The following PLA2G4F variants were observed in gnomAD, a reference collection of about 807,000 sequenced individuals.
The protein encoded by PLA2G4F is phospholipase A2 group IVF.
A neutral mutation model predicts 103.1 loss-of-function variants in PLA2G4F; 105 were observed. That is an observed-to-expected ratio of 1.02 (90% CI 0.87 to 1.20). PLA2G4F has a LOEUF of 1.20. Ranked by LOEUF, PLA2G4F falls within the 50% of genes most tolerant of loss-of-function variation. The pLI is 0.00. For missense variants in PLA2G4F, 1,155 were observed against 1,075.9 expected (o/e 1.07, Z -1.03); for synonymous variants, 468 against 441.1 (o/e 1.06, Z -0.76).
chr15:42,146,950 G>A (rs2048893623), intron 13 of PLA2G4F, 174 bp downstream of exon 13: 1 of 633,438 alleles, frequency 1.6e-6, no homozygotes, highest in Non-Finnish European at 2.7e-6. Flanking sequence ...TTAGGAGCTA[G>A]GGAGGCAAAA....
In PLA2G4F at chr15:42,152,680, A is replaced by T; in HGVS notation, c.601+8T>A. The stretch of plus-strand genomic sequence containing the variant: ...GGCAAAAGACCCAAGGCCGCTGAGC[A>T]GACTCACCGTACTCTTCCCGTGGGG... On this transcript the variant is annotated splice_region_variant and intron_variant, in intron 7 of 19. Coordinates refer to ENST00000397272, the MANE Select transcript of PLA2G4F (RefSeq NM_213600.4). 1.3e-6 allele frequency: 2 copies of T among 1,554,636 alleles called. No homozygotes were observed. The highest frequency in any genetic ancestry group is 3.9e-5 in the Admixed American group (2 of 51,448).
In PLA2G4F at chr15:42,154,405, G is replaced by A. The variant is rs1376451783; in HGVS notation, c.238C>T (p.Pro80Ser). Residue 80 changes from proline (P) to serine (S), a missense_variant, in exon 3 of 20, where the codon CCT (proline) becomes TCT (serine). Around this residue, in one of 3 missense-constraint regions of PLA2G4F, gnomAD observed 370 missense variants for 364.9 expected, o/e 1.01. Coordinates refer to ENST00000397272, the MANE Select transcript of PLA2G4F (RefSeq NM_213600.4). ...QLWLPTASPS[P>S]AQTRIVANCS... is the part of the protein sequence containing the mutation. ...TTGGCCACTATCCTAGTCTGGGCAG[G>A]GCTTGGGGACGCCGTGGGCAGCCAC... is the stretch of plus-strand genomic sequence containing the variant. 1 of 1,610,594 alleles carries A rather than the reference G, an allele frequency of 6.2e-7. No homozygotes were observed. The highest frequency in any genetic ancestry group is 8.5e-7 in the Non-Finnish European group (1 of 1,177,592).
chr15:42,150,033 G>C (rs2048938649), intron 10 of PLA2G4F, 71 bp downstream of exon 10: 1 of 1,598,876 alleles, frequency 6.3e-7, no homozygotes, highest in Admixed American at 1.7e-5. Context: ...CAAGAGAATG[G>C]AGCACGTTGG....
Position 42,150,794 on chromosome 15 carries a change from C to T in PLA2G4F, c.602-17G>A. Reference sequence around the variant, plus strand: ...GCCTAGAGCCTGAGAGCAGAGGGCCCAGGTGGGTGCGCAGGTGAGGGGGTG... The same window carrying T: ...GCCTAGAGCCTGAGAGCAGAGGGCCTAGGTGGGTGCGCAGGTGAGGGGGTG... On this transcript the variant is annotated splice_polypyrimidine_tract_variant and intron_variant, in intron 7 of 19. Transcript: ENST00000397272. 6.2e-7 allele frequency: 1 copy of T among 1,600,554 alleles called. No homozygotes were observed. The highest frequency in any genetic ancestry group is 8.5e-7 in the Non-Finnish European group (1 of 1,175,284).
At position 42,140,418 on chromosome 15, in the gene PLA2G4F, A is replaced by C. The variant is rs1164769335; in HGVS notation, c.*1566T>G. On this transcript the variant is annotated 3_prime_UTR_variant, in exon 20 of 20. Coordinates refer to ENST00000397272, the MANE Select transcript of PLA2G4F (RefSeq NM_213600.4). ...AGTTATTGATGACGGCAGGCACAGC[A>C]GTGTTGATGACAATGGCCACAGCAG... is the stretch of plus-strand genomic sequence containing the variant. The C allele has an allele frequency of 6.6e-6, 1 of 152,264 alleles. No individual in the cohort carries two copies. Among genetic ancestry groups the C allele is most frequent in the Non-Finnish European group, 1.5e-5 (1 of 68,078 alleles). The allele number at this position is 152,264 out of a possible 1,614,324, so 9.4% of individuals were successfully genotyped here. A position where few individuals can be genotyped will look rare whatever the true frequency, so the allele number is the denominator to read the frequency against.
intron 9 of PLA2G4F, 39 bp downstream of exon 9, chr15:42,150,334 G>T: frequency 6.4e-7 from 1 of 1,567,836 alleles, no homozygotes. Flanking sequence ...GTCACAGAGA[G>T]CAGGCAGGGG....
In PLA2G4F at chr15:42,140,120, C is replaced by T. The variant is rs1364335352; in HGVS notation, c.*1864G>A. On this transcript the variant is annotated 3_prime_UTR_variant, in exon 20 of 20. Coordinates refer to ENST00000397272, the MANE Select transcript of PLA2G4F (RefSeq NM_213600.4). Reference sequence around the variant, plus strand: ...CCACATGGGTTAGGAATCATGAAAGCATTGCATGCTTTTTTGTGGTTGGTG... The same window carrying T: ...CCACATGGGTTAGGAATCATGAAAGTATTGCATGCTTTTTTGTGGTTGGTG... The T allele has an allele frequency of 1.3e-5, 2 of 152,194 alleles. No individual in the cohort carries two copies. The highest frequency in any genetic ancestry group is 4.8e-5 in the African/African-American group (2 of 41,440). The allele number at this position is 152,194 out of a possible 1,614,324, so 9.4% of individuals were successfully genotyped here.
rs118083309 is a variant in PLA2G4F, at chr15:42,141,224, T to C, written c.*760A>G. On this transcript the variant is annotated 3_prime_UTR_variant, in exon 20 of 20. Coordinates refer to ENST00000397272, the MANE Select transcript of PLA2G4F (RefSeq NM_213600.4). ...TTAGCTCCTAGGAATGGTGAGACTA[T>C]ATTTGCATGATGTGGCCACTACACA... The C allele has an allele frequency of 7.0e-5, 32 of 456,670 alleles. 2 individuals are homozygous for C. The East Asian group carries it at 2.2e-3, about 31-fold the overall frequency. 28.3% of individuals were successfully genotyped at this position (456,670 alleles called of 1,614,324 possible).
intron 7 of PLA2G4F, chr15:42,151,051 G>T (rs901996656): frequency 3.0e-6 from 3 of 985,272 alleles, no homozygotes; most frequent in African/African-American, 1.7e-5. Context: ...GGAGGGAGAG[G>T]GGCCCTGCCC....
chr15:42,147,510 C>A, intron 12 of PLA2G4F, 116 bp downstream of exon 12: 1 of 1,424,914 alleles, frequency 7.0e-7, no homozygotes, highest in Non-Finnish European at 9.6e-7. Flanking sequence ...CCTGCCCCTC[C>A]TAACACCCTG....
chr15:42,146,085 C>T, intron 14 of PLA2G4F, 42 bp downstream of exon 14: 1 of 1,605,636 alleles, frequency 6.2e-7, no homozygotes, highest in Non-Finnish European at 8.5e-7. Flanking sequence ...CTCCTCCTCC[C>T]CACCTCCTCT....
chr15:42,144,355 C>G, intron 17 of PLA2G4F, 95 bp downstream of exon 17: 1 of 1,523,528 alleles, frequency 6.6e-7, no homozygotes, highest in Non-Finnish European at 9.0e-7. Flanking sequence ...GAGACCACAC[C>G]TCAACCCCCA....
At chr15:42,151,291 C>T (rs962337931) in intron 7 of PLA2G4F, 8 of 985,094 alleles carry the variant, frequency 8.1e-6, no homozygotes, top group Non-Finnish European at 9.6e-6. Context: ...GAATGGGATG[C>T]GTGGGTACAG....
In PLA2G4F at chr15:42,141,198, T is replaced by C. The variant is rs543151747; in HGVS notation, c.*786A>G. ...CTGATGCCCCTACTAGACACACCCATTTAGCTCCTAGGAATGGTGAGACTA... is the reference window on the plus strand; with the variant it reads ...CTGATGCCCCTACTAGACACACCCACTTAGCTCCTAGGAATGGTGAGACTA... On this transcript the variant is annotated 3_prime_UTR_variant, in exon 20 of 20. Transcript: ENST00000397272. The C allele has an allele frequency of 5.0e-5, 23 of 456,372 alleles. No individual in the cohort carries two copies. Among genetic ancestry groups the C allele is most frequent in the African/African-American group, 3.8e-4 (19 of 50,164 alleles). The allele number at this position is 456,372 out of a possible 1,614,324, so 28.3% of individuals were successfully genotyped here.
chr15:42,147,763 C>A lies in PLA2G4F; in HGVS notation c.1060-1G>T. On this transcript the variant is annotated splice_acceptor_variant, in intron 11 of 19. Transcript: ENST00000397272. LOFTEE classifies it high-confidence loss of function. ...AACCCAACACAGCCACTACAGGCAC[C>A]TGGGTACAATAATAACAAGGATAAC... is the stretch of plus-strand genomic sequence containing the variant. 1 of 1,613,232 alleles carries A rather than the reference C, an allele frequency of 6.2e-7. No individual in the cohort carries two copies. Among genetic ancestry groups the A allele is most frequent in the South Asian group, 1.1e-5 (1 of 91,068 alleles).
chr15:42,150,070 C>G, intron 10 of PLA2G4F, 34 bp downstream of exon 10: 1 of 1,613,850 alleles, frequency 6.2e-7, no homozygotes, highest in Non-Finnish European at 8.5e-7. Flanking sequence ...TCTAGCCCAG[C>G]CCCAAGAGGC....
chr15:42,142,104 C>T lies in PLA2G4F; in HGVS notation c.2430G>A (p.Gln810=). 1 of 1,614,216 alleles carries T rather than the reference C, an allele frequency of 6.2e-7. No individual in the cohort carries two copies. Among genetic ancestry groups the T allele is most frequent in the South Asian group, 1.1e-5 (1 of 91,092 alleles). The change falls in exon 20 of 20, where the codon CAG becomes CAA. Residue 810 remains glutamine (Q), a synonymous_variant. Coordinates refer to ENST00000397272, the MANE Select transcript of PLA2G4F (RefSeq NM_213600.4). ...TGAGGGCCACCAGCCGATAAAAGTC[C>T]TGGGGCTCATAGGTGAAGTTCATCA... The part of the protein sequence containing the change: ...YGMMNFTYEP[Q]DFYRLVALSR...
chr15:42,142,321 T>TGGGCCACATCTC, intron 19 of PLA2G4F, 117 bp from the exon 20 acceptor site: 1 of 1,169,786 alleles, frequency 8.5e-7, no homozygotes, highest in South Asian at 1.6e-5. Context: ...GGGCCCTGCT[T>TGGGCCACATCTC]GGGCCACATC....
chr15:42,142,489 G>A, intron 19 of PLA2G4F, 39 bp downstream of exon 19: 1 of 1,571,242 alleles, frequency 6.4e-7, no homozygotes, highest in African/African-American at 1.4e-5. Flanking sequence ...ACCATCCCAG[G>A]GCTCTGTGGG....
Sources: gnomAD v4.1 joint callset for allele counts on GRCh38, gnomAD v4.1.1 for gene constraint, gnomAD v4.1.1 regional missense constraint, MANE v1.5 for transcripts, NCBI Gene and HGNC (gene_info 2026-07-23, HGNC 2026-07-21) for gene names.